Variants in TPRG1 observed in about 807,000 individuals in gnomAD.
TPRG1 encodes the protein tumor protein p63 regulated 1.
TPRG1 carries 29 observed loss-of-function variants against 29.3 expected under a neutral mutation model. That is an observed-to-expected ratio of 0.99 (90% confidence interval 0.74 to 1.35). The LOEUF is 1.35. Ranked by LOEUF, TPRG1 falls within the 40% of genes most tolerant of loss-of-function variation. The pLI, the probability that TPRG1 is intolerant of heterozygous loss-of-function variation, is 0.00. For synonymous variants in TPRG1, 130 were observed against 116.8 expected (o/e 1.11, Z -0.73); for missense variants, 327 against 335.0 (o/e 0.98, Z 0.19).
intron 4 of TPRG1, among the ~76,000 whole-genome samples, chr3:189,063,269 T>C (rs552659559): frequency 7.2e-5 from 11 of 152,206 alleles, no homozygotes; most frequent in South Asian, 6.2e-4. Flanking sequence ...CAAAAACTGA[T>C]AGATTTGCAA....
upstream of TPRG1, chr3:189,171,954 GCAGTGTAA>G (rs1728864717): frequency 6.6e-6 from 1 of 152,186 alleles, no homozygotes; most frequent in African/African-American, 2.4e-5. Flanking sequence ...TTTGAGGGTG[GCAGTGTAA>G]CTCTCAGCCT....
intron 4 of TPRG1, among the ~76,000 whole-genome samples, chr3:189,094,959 C>A (rs1231463588): frequency 6.6e-6 from 1 of 152,134 alleles, no homozygotes; most frequent in Non-Finnish European, 1.5e-5. Context: ...ATCAGTTTTA[C>A]AGAGGCACTC....
At chr3:189,199,185 G>A (rs1217578052) in intron 1 of TPRG1, among the ~76,000 whole-genome samples, 2 of 152,102 alleles carry the variant, frequency 1.3e-5, no homozygotes, top group Non-Finnish European at 2.9e-5. Flanking sequence ...TCCACAATAG[G>A]CACCCAAATT....
At chr3:189,225,392 G>A (rs192898422) in intron 3 of TPRG1, among the ~76,000 whole-genome samples, 21 of 152,152 alleles carry the variant, frequency 1.4e-4, no homozygotes, top group East Asian at 1.2e-3. Flanking sequence ...TGCCTTCATG[G>A]CCACTATAGG....
chr3:189,026,303 CTCT>C (rs147636807), intron 4 of TPRG1, among the ~76,000 whole-genome samples: 11 of 152,232 alleles, frequency 7.2e-5, no homozygotes, highest in South Asian at 2.1e-4. Context: ...GCTCTGGTGT[CTCT>C]TCTTCTTCTT....
intron 1 of TPRG1, among the ~76,000 whole-genome samples, chr3:188,997,403 T>C (rs894122686): frequency 1.3e-5 from 2 of 152,194 alleles, no homozygotes; most frequent in Admixed American, 6.5e-5. Flanking sequence ...TCTTACTTTC[T>C]GTACAGTTCA....
At chr3:189,181,128 A>T (rs1040527487) in intron 1 of TPRG1, among the ~76,000 whole-genome samples, 1 of 152,124 alleles carries the variant, frequency 6.6e-6, no homozygotes, top group Non-Finnish European at 1.5e-5. Context: ...CTGCACAAGG[A>T]TGGAGACCCT....
intron 1 of TPRG1, among the ~76,000 whole-genome samples, chr3:189,113,267 A>G (rs1319317239): frequency 1.3e-5 from 2 of 152,222 alleles, no homozygotes; most frequent in Non-Finnish European, 2.9e-5. Context: ...CAGCTTAAGG[A>G]GATTTTGGGC....
rs778107151 is a variant in TPRG1 at position 189,320,605 on chromosome 3, CCTT to C, written c.634-17_634-15del. On this transcript the variant is annotated intron_variant, in intron 5 of 5. Transcript: ENST00000345063. The stretch of plus-strand genomic sequence containing the variant: ...TTAATCTACAGTAACTAACTTTGTG[CCTT>C]CTTTTTTTCTTCTTCAGTTGTCTGG... 4.6e-5 allele frequency: 73 copies of C among 1,578,160 alleles called. No individual in the cohort carries two copies. Among genetic ancestry groups the C allele is most frequent in the Non-Finnish European group, 6.0e-5 (70 of 1,165,116 alleles).
intron 4 of TPRG1, among the ~76,000 whole-genome samples, chr3:189,278,524 T>C (rs1716550924): frequency 6.6e-6 from 1 of 152,150 alleles, no homozygotes; most frequent in African/African-American, 2.4e-5. Flanking sequence ...TTTCTATCCA[T>C]CTCTGTAGTC....
chr3:189,056,265 T>TACAGGCACA (rs1715690586), intron 4 of TPRG1, among the ~76,000 whole-genome samples: 1 of 152,048 alleles, frequency 6.6e-6, no homozygotes, highest in Admixed American at 6.6e-5. Context: ...CCAGCTAATT[T>TACAGGCACA]TTGTATTTTC....
intron 1 of TPRG1, among the ~76,000 whole-genome samples, chr3:189,118,738 G>A (rs1291677776): frequency 6.6e-6 from 1 of 152,212 alleles, no homozygotes; most frequent in Non-Finnish European, 1.5e-5. Context: ...TGTGGTGTTG[G>A]TCCTGTGGGT....
chr3:189,027,826 G>A (rs1215505676), intron 4 of TPRG1, among the ~76,000 whole-genome samples: 1 of 152,116 alleles, frequency 6.6e-6, no homozygotes, highest in Non-Finnish European at 1.5e-5. Context: ...TGTGTTGGAA[G>A]GCTTAAAAGC....
chr3:189,114,123 G>T (rs1282677671), intron 1 of TPRG1, among the ~76,000 whole-genome samples: 2 of 152,126 alleles, frequency 1.3e-5, no homozygotes, highest in Admixed American at 6.5e-5. Flanking sequence ...GAGCTTCTAT[G>T]AAGATAATTT....
At chr3:189,013,028 A>G (rs200656763) in intron 3 of TPRG1, among the ~76,000 whole-genome samples, 1 of 148,650 alleles carries the variant, frequency 6.7e-6, no homozygotes, top group African/African-American at 2.4e-5. Flanking sequence ...CCTTCAGTTC[A>G]GCTCTAATCT....
At chr3:189,193,636 T>C (rs1316693288) in intron 1 of TPRG1, among the ~76,000 whole-genome samples, 2 of 151,608 alleles carry the variant, frequency 1.3e-5, no homozygotes, top group South Asian at 2.1e-4. Context: ...TCTCTGACTT[T>C]GTAATTTCAA....
intron 4 of TPRG1, among the ~76,000 whole-genome samples, chr3:189,302,105 A>T (rs7617882): frequency 0.11 from 16,190 of 152,192 alleles, 959 homozygotes; most frequent in East Asian, 0.19. Flanking sequence ...CTGTCTTCAA[A>T]GTACTTAATG....
At chr3:189,191,793 A>T (rs1028778301) in intron 1 of TPRG1, among the ~76,000 whole-genome samples, 3 of 152,200 alleles carry the variant, frequency 2.0e-5, no homozygotes, top group Admixed American at 6.5e-5. Context: ...CCTACTCCTG[A>T]ATATTGCCCA....
upstream of TPRG1, among the ~76,000 whole-genome samples, chr3:189,169,115 C>T (rs554900084): frequency 6.6e-6 from 1 of 152,312 alleles, no homozygotes; most frequent in East Asian, 1.9e-4. Flanking sequence ...CGTTATTTCT[C>T]ATAGACACTA....
Sources: allele counts gnomAD v4.1 joint callset (sites outside exome capture counted in the v4.1 genomes callset), GRCh38; gene constraint gnomAD v4.1.1; transcripts MANE v1.5; gene names NCBI Gene and HGNC (gene_info 2026-07-23, HGNC 2026-07-21).